Variants in TMEM217B observed in about 807,000 individuals in gnomAD.
The protein encoded by TMEM217B is transmembrane protein 217B, also known as putative transmembrane protein 217B.
the TMEM217B span, chr6:37,212,832 C>A: frequency 3.4e-5 from 36 of 1,069,498 alleles, no homozygotes; most frequent in Non-Finnish European, 4.4e-5. Context: ...TGACTAGCTC[C>A]GACTTTGAGT....
At chr6:37,249,911 G>C in the TMEM217B span, among the ~76,000 whole-genome samples, 6 of 152,308 alleles carry the variant, frequency 3.9e-5, no homozygotes, top group South Asian at 1.2e-3. Context: ...CAACAACCTA[G>C]AGAAATCTTT....
the TMEM217B span, among the ~76,000 whole-genome samples, chr6:37,221,417 C>T: frequency 1.9e-3 from 292 of 152,204 alleles, 5 homozygotes; most frequent in East Asian, 0.051. Context: ...AAACTCCTGA[C>T]CTCAGGTGAT....
At chr6:37,226,735 T>G in the TMEM217B span, among the ~76,000 whole-genome samples, 1 of 151,966 alleles carries the variant, frequency 6.6e-6, no homozygotes, top group African/African-American at 2.4e-5. Flanking sequence ...CTAATTTTTT[T>G]GTATTTTTAG....
the TMEM217B span, among the ~76,000 whole-genome samples, chr6:37,232,929 G>T: frequency 6.6e-6 from 1 of 152,088 alleles, no homozygotes; most frequent in African/African-American, 2.4e-5. Context: ...GTCTCCCTCA[G>T]TGCACAAACC....
chr6:37,226,677 T>G, the TMEM217B span, among the ~76,000 whole-genome samples: 1 of 152,160 alleles, frequency 6.6e-6, no homozygotes, highest in Non-Finnish European at 1.5e-5. Flanking sequence ...TTCTCCTGCC[T>G]CAGCCTCCTG....
the TMEM217B span, among the ~76,000 whole-genome samples, chr6:37,233,488 G>C: frequency 1.4e-4 from 22 of 152,306 alleles, no homozygotes; most frequent in African/African-American, 5.1e-4. Context: ...TGCTCACATG[G>C]GAGAAGGTGG....
At chr6:37,257,339 T>C in the TMEM217B span, among the ~76,000 whole-genome samples, 1 of 152,126 alleles carries the variant, frequency 6.6e-6, no homozygotes, top group African/African-American at 2.4e-5. Flanking sequence ...GAAAAACGAA[T>C]GGACATGTAA....
At chr6:37,241,577 C>A in the TMEM217B span, among the ~76,000 whole-genome samples, 1 of 152,140 alleles carries the variant, frequency 6.6e-6, no homozygotes, top group Non-Finnish European at 1.5e-5. Context: ...GCTGTCAGCA[C>A]CCCCAGTGAT....
At chr6:37,233,844 C>G in the TMEM217B span, among the ~76,000 whole-genome samples, 1 of 152,104 alleles carries the variant, frequency 6.6e-6, no homozygotes, top group Non-Finnish European at 1.5e-5. Context: ...TAAATTTTTT[C>G]CACTTTACAA....
the TMEM217B span, among the ~76,000 whole-genome samples, chr6:37,244,554 C>CAG: frequency 6.6e-6 from 1 of 152,198 alleles, no homozygotes; most frequent in Non-Finnish European, 1.5e-5. Flanking sequence ...TTCAGTCTTT[C>CAG]TCTGTGTAAG....
the TMEM217B span, chr6:37,212,847 G>A: frequency 2.6e-5 from 32 of 1,244,848 alleles, 1 homozygote; most frequent in Non-Finnish European, 3.2e-5. Context: ...TTGAGTCCAC[G>A]TAGATGCTGA....
At chr6:37,252,782 G>A in the TMEM217B span, among the ~76,000 whole-genome samples, 1 of 151,426 alleles carries the variant, frequency 6.6e-6, no homozygotes, top group Non-Finnish European at 1.5e-5. Flanking sequence ...GGGACCACAG[G>A]TGTGTGCCAC....
chr6:37,257,253 G>A, the TMEM217B span, among the ~76,000 whole-genome samples: 1 of 152,192 alleles, frequency 6.6e-6, no homozygotes, highest in Non-Finnish European at 1.5e-5. Flanking sequence ...GGGAGAGGGA[G>A]ACTCTGATGA....
the TMEM217B span, among the ~76,000 whole-genome samples, chr6:37,229,564 G>C: frequency 0.015 from 2,232 of 151,930 alleles, 27 homozygotes; most frequent in Non-Finnish European, 0.022. Context: ...GGATGGTCTC[G>C]ATCTCCTGAC....
At chr6:37,217,890 T>C in the TMEM217B span, 1 of 985,728 alleles carries the variant, frequency 1.0e-6, no homozygotes, top group Non-Finnish European at 1.2e-6. Context: ...TTTTGACCAA[T>C]CAGGTGGTAG....
the TMEM217B span, among the ~76,000 whole-genome samples, chr6:37,232,103 G>A: frequency 0.011 from 1,628 of 152,128 alleles, 24 homozygotes; most frequent in Middle Eastern, 0.044. Context: ...TCTTTTGTTG[G>A]GGGGGAGAGA....
At chr6:37,216,597 G>A in the TMEM217B span, among the ~76,000 whole-genome samples, 4 of 152,136 alleles carry the variant, frequency 2.6e-5, no homozygotes, top group East Asian at 1.9e-4. Flanking sequence ...CCTCTGAGGC[G>A]AGGAGCACAG....
At chr6:37,219,070 T>A in the TMEM217B span, 8 of 1,565,898 alleles carry the variant, frequency 5.1e-6, no homozygotes, top group African/African-American at 9.5e-5. Flanking sequence ...TGAGGGAGAA[T>A]TCTAGTTCCT....
the TMEM217B span, among the ~76,000 whole-genome samples, chr6:37,245,526 G>A: frequency 1.3e-5 from 2 of 152,266 alleles, no homozygotes; most frequent in East Asian, 3.8e-4. Context: ...TCACAGGAAG[G>A]TTGGGAAAAT....
Sources: gnomAD v4.1 joint callset for allele counts (sites outside exome capture counted in the v4.1 genomes callset) on GRCh38, gnomAD v4.1.1 for gene constraint, MANE v1.5 for transcripts, NCBI Gene and HGNC (gene_info 2026-07-23, HGNC 2026-07-21) for gene names.